Variants in CEP128 observed in about 807,000 individuals in gnomAD.
CEP128 encodes the protein centrosomal protein 128, also known as centrosomal protein 128kDa.
In CEP128, 132 loss-of-function variants were observed where a neutral mutation model predicts 156.7. The ratio of observed to expected loss-of-function variants is 0.84; its 90% CI spans 0.73 to 0.97. CEP128 has a LOEUF of 0.97. Ranked by LOEUF, CEP128 falls within the 50% of genes least tolerant of loss-of-function variation. The pLI is 0.00. For synonymous variants in CEP128, 469 were observed against 448.9 expected (o/e 1.04, Z -0.57); for missense variants, 1,252 against 1,281.9 (o/e 0.98, Z 0.36).
At chr14:80,855,885 A>C (rs1483208828) in intron 9 of CEP128, among the ~76,000 whole-genome samples, 1 of 152,168 alleles carries the variant, frequency 6.6e-6, no homozygotes, top group Non-Finnish European at 1.5e-5. Flanking sequence ...GTTTCATGGA[A>C]GCTTCTCCCT....
At chr14:80,550,366 TG>T (rs1437529184) in intron 21 of CEP128, among the ~76,000 whole-genome samples, 1 of 152,150 alleles carries the variant, frequency 6.6e-6, no homozygotes, top group Non-Finnish European at 1.5e-5. Flanking sequence ...GTTATCTAAA[TG>T]TTTTTAATCA....
intron 19 of CEP128, among the ~76,000 whole-genome samples, chr14:80,618,558 A>G (rs1312839090): frequency 1.3e-5 from 2 of 152,370 alleles, no homozygotes; most frequent in African/African-American, 4.8e-5. Flanking sequence ...TGCACAAACA[A>G]GTTATTGCTG....
intron 2 of CEP128, among the ~76,000 whole-genome samples, chr14:80,929,820 G>A (rs981386670): frequency 3.3e-5 from 5 of 152,104 alleles, no homozygotes; most frequent in African/African-American, 1.2e-4. Flanking sequence ...ACCACTATAC[G>A]ATTCATCCAT....
At chr14:80,925,817 T>C (rs1885112835) in intron 2 of CEP128, among the ~76,000 whole-genome samples, 1 of 152,012 alleles carries the variant, frequency 6.6e-6, no homozygotes, top group Non-Finnish European at 1.5e-5. Flanking sequence ...TGCCAGAGCA[T>C]GAGTGGGGAG....
chr14:80,562,936 T>A (rs1310317009), intron 20 of CEP128, among the ~76,000 whole-genome samples: 1 of 151,978 alleles, frequency 6.6e-6, no homozygotes, highest in Non-Finnish European at 1.5e-5. Flanking sequence ...AATGCTGGGA[T>A]TACAGGCATG....
chr14:80,586,870 T>A (rs1891841932), intron 19 of CEP128, among the ~76,000 whole-genome samples: 1 of 152,132 alleles, frequency 6.6e-6, no homozygotes, highest in South Asian at 2.1e-4. Context: ...CCAGCAAACA[T>A]TTTTCCTATT....
At chr14:80,737,663 T>G (rs946834099) in intron 19 of CEP128, among the ~76,000 whole-genome samples, 4 of 151,986 alleles carry the variant, frequency 2.6e-5, no homozygotes, top group Admixed American at 2.0e-4. Context: ...CTAGGATTAT[T>G]TAAGTCCAGG....
intron 6 of CEP128, among the ~76,000 whole-genome samples, chr14:80,490,928 C>T (rs1018487806): frequency 1.3e-5 from 2 of 152,106 alleles, no homozygotes; most frequent in African/African-American, 4.8e-5. Flanking sequence ...AGATCGTTGG[C>T]GCCATCACCA....
chr14:80,833,530 C>A (rs1297842727), intron 12 of CEP128, among the ~76,000 whole-genome samples: 3 of 151,698 alleles, frequency 2.0e-5, no homozygotes, highest in Admixed American at 1.3e-4. Flanking sequence ...AATGCTTGGT[C>A]AGTATAGGAT....
intron 21 of CEP128, among the ~76,000 whole-genome samples, chr14:80,542,688 G>A (rs78513517): frequency 0.059 from 8,985 of 152,152 alleles, 359 homozygotes; most frequent in Middle Eastern, 0.11. Flanking sequence ...CCAACACAGG[G>A]CAGATACTGA....
At chr14:80,526,699 C>T in intron 23 of CEP128, 170 bp downstream of exon 23, 1 of 470,116 alleles carries the variant, frequency 2.1e-6, no homozygotes, top group Non-Finnish European at 3.8e-6. Context: ...GGCACAAACT[C>T]TGGATTTTTA....
chr14:80,847,898 G>T (rs1355646419), intron 9 of CEP128, among the ~76,000 whole-genome samples: 2 of 152,164 alleles, frequency 1.3e-5, no homozygotes, highest in Non-Finnish European at 2.9e-5. Flanking sequence ...GTACATGATA[G>T]TATTGGCCAA....
intron 12 of CEP128, among the ~76,000 whole-genome samples, chr14:80,835,978 T>C (rs1886052505): frequency 6.6e-6 from 1 of 152,184 alleles, no homozygotes; most frequent in South Asian, 2.1e-4. Context: ...GCCCCATGGT[T>C]AAGTAGGTCT....
intron 20 of CEP128, among the ~76,000 whole-genome samples, chr14:80,579,313 C>T (rs1595037109): frequency 1.3e-5 from 2 of 151,698 alleles, no homozygotes; most frequent in Non-Finnish European, 2.9e-5. Flanking sequence ...TAGCCCCAGA[C>T]TGGACTAACC....
intron 19 of CEP128, among the ~76,000 whole-genome samples, chr14:80,617,172 ACT>A (rs1893248305): frequency 7.3e-6 from 1 of 136,196 alleles, no homozygotes; most frequent in African/African-American, 2.8e-5. Flanking sequence ...CTCAAGTTCT[ACT>A]CTCTGATCCA....
intron 19 of CEP128, among the ~76,000 whole-genome samples, chr14:80,640,910 G>C (rs956433811): frequency 6.6e-6 from 1 of 152,152 alleles, no homozygotes; most frequent in African/African-American, 2.4e-5. Flanking sequence ...AAGAGCATGA[G>C]TTTTGAAGCC....
intron 8 of CEP128, among the ~76,000 whole-genome samples, chr14:80,869,270 G>T (rs913919508): frequency 1.3e-5 from 2 of 151,946 alleles, no homozygotes; most frequent in Non-Finnish European, 2.9e-5. Context: ...TGTCCCTTTA[G>T]ATCACAGTGG....
chr14:80,632,785 T>C (rs1894015813), intron 19 of CEP128, among the ~76,000 whole-genome samples: 1 of 151,746 alleles, frequency 6.6e-6, no homozygotes, highest in African/African-American at 2.4e-5. Flanking sequence ...TGTCTGGGAG[T>C]GGAATTGCTG....
At chr14:80,906,508 G>C (rs1379578535) in intron 4 of CEP128, among the ~76,000 whole-genome samples, 1 of 152,108 alleles carries the variant, frequency 6.6e-6, no homozygotes, top group African/African-American at 2.4e-5. Flanking sequence ...AAACTAAACA[G>C]CTGTCACAGT....
Sources: allele counts gnomAD v4.1 joint callset (sites outside exome capture counted in the v4.1 genomes callset), GRCh38; gene constraint gnomAD v4.1.1; transcripts MANE v1.5; gene names NCBI Gene and HGNC (gene_info 2026-07-23, HGNC 2026-07-21).